The following IL16 variants were observed in gnomAD, a reference collection of about 807,000 sequenced individuals.
IL16 encodes interleukin 16.
IL16 carries 67 observed loss-of-function variants against 110.1 expected under a neutral mutation model. That is an observed-to-expected ratio of 0.61 (90% CI 0.50 to 0.75). IL16 has a LOEUF of 0.75. IL16 is among the 30% of genes least tolerant of loss of function. The pLI is 0.00. For synonymous variants in IL16, 689 were observed against 662.9 expected, an observed-to-expected ratio of 1.04 and a Z score of -0.61; for missense variants, 1,545 against 1,655.0, an observed-to-expected ratio of 0.93 and a Z score of 1.15.
intron 14 of IL16, 55 bp downstream of exon 14, chr15:81,300,530 T>C: frequency 8.5e-7 from 1 of 1,176,550 alleles, no homozygotes; most frequent in Non-Finnish European, 1.2e-6. Flanking sequence ...TTCTTTCTCA[T>C]CTTTATTTTT....
chr15:81,199,060 T>TAA (rs1555411615), intron 1 of IL16, among the ~76,000 whole-genome samples: 5 of 140,704 alleles, frequency 3.6e-5, no homozygotes, highest in Non-Finnish European at 6.1e-5. Flanking sequence ...TATATATATA[T>TAA]AAAATACATA....
At chr15:81,305,724 T>G in intron 16 of IL16, 184 bp from the exon 17 acceptor site, 2 of 662,118 alleles carry the variant, frequency 3.0e-6, no homozygotes, top group African/African-American at 1.8e-5. Context: ...TGATCTCTGC[T>G]CTGGATGGAG....
In IL16 at chr15:81,306,157, G is replaced by A; in HGVS notation, c.3670G>A (p.Val1224Ile). 1 of 1,613,652 alleles carries A rather than the reference G, an allele frequency of 6.2e-7. No homozygotes were observed. Among genetic ancestry groups the A allele is most frequent in the Admixed American group, 1.7e-5 (1 of 60,000 alleles). The change falls in exon 17 of 19, where the codon GTA (valine) becomes ATA (isoleucine). Residue 1224 changes from valine (V) to isoleucine (I), a missense_variant. By Grantham distance (29) the Val-to-Ile change is conservative. Transcript: ENST00000683961. ...ASASAASDVS[V>I]ESTAEATVCT... ...AGCCTCTGCAGCCAGTGATGTTTCTGTAGAATCTAGTAAGTTCTCCCAACT... is the reference window on the plus strand; with the variant it reads ...AGCCTCTGCAGCCAGTGATGTTTCTATAGAATCTAGTAAGTTCTCCCAACT...
At chr15:81,256,887 A>G (rs1481856646) in intron 2 of IL16, among the ~76,000 whole-genome samples, 2 of 152,226 alleles carry the variant, frequency 1.3e-5, no homozygotes, top group Admixed American at 6.5e-5. Flanking sequence ...ACTGGATTAC[A>G]TAAAGAAGTT....
chr15:81,192,717 A>G (rs1057135509), upstream of IL16, among the ~76,000 whole-genome samples: 3 of 152,234 alleles, frequency 2.0e-5, no homozygotes, highest in Non-Finnish European at 4.4e-5. Flanking sequence ...TATTATGTGA[A>G]AAATGGATTA....
At chr15:81,209,775 C>A (rs556932213) in intron 1 of IL16, among the ~76,000 whole-genome samples, 1 of 152,304 alleles carries the variant, frequency 6.6e-6, no homozygotes, top group Non-Finnish European at 1.5e-5. Flanking sequence ...CTCCCTGCCT[C>A]CCCTCGCCAG....
At chr15:81,221,683 T>TAAA (rs34717132) in intron 1 of IL16, among the ~76,000 whole-genome samples, 4 of 148,966 alleles carry the variant, frequency 2.7e-5, no homozygotes, top group African/African-American at 9.8e-5. Context: ...TCTCTTCCTT[T>TAAA]AAAAAAAAAA....
chr15:81,305,144 A>G (rs1281378795), intron 16 of IL16, among the ~76,000 whole-genome samples: 1 of 152,230 alleles, frequency 6.6e-6, no homozygotes, highest in Non-Finnish European at 1.5e-5. Flanking sequence ...CTCTATGAGA[A>G]AAGAATTCTT....
In IL16 at chr15:81,310,584, T is replaced by C. The variant is rs1219329602; in HGVS notation, c.*1786T>C. 6.6e-6 allele frequency: 1 copy of C among 152,180 alleles called. No individual in the cohort carries two copies. Among genetic ancestry groups the C allele is most frequent in the Non-Finnish European group, 1.5e-5 (1 of 68,020 alleles). The allele number at this position is 152,180 out of a possible 1,614,324, so 9.4% of individuals were successfully genotyped here. A position where few individuals can be genotyped will look rare whatever the true frequency, so the allele number is the denominator to read the frequency against. On this transcript the variant is annotated 3_prime_UTR_variant, in exon 19 of 19. Transcript: ENST00000683961. ...CATAATCTACCAACGAAAGACGTGA[T>C]TCAATTCAACACTCCCTTCCCATGA...
At chr15:81,250,294 C>T (rs777349128) in intron 2 of IL16, among the ~76,000 whole-genome samples, 139 of 152,108 alleles carry the variant, frequency 9.1e-4, no homozygotes, top group Middle Eastern at 3.2e-3. Context: ...CTCAGCCTCA[C>T]GAGTAGCTGG....
At position 81,300,328 on chromosome 15, in the gene IL16, C is replaced by A. The variant is rs1416087555; in HGVS notation, c.3002C>A (p.Ser1001Tyr). 1 of 1,614,206 alleles carries A rather than the reference C, an allele frequency of 6.2e-7. No homozygotes were observed. The highest frequency in any genetic ancestry group is 8.5e-7 in the Non-Finnish European group (1 of 1,180,038). The change falls in exon 14 of 19, where the codon TCC (serine) becomes TAC (tyrosine). Residue 1001 changes from serine (S) to tyrosine (Y), a missense_variant. Physicochemically the swap from Ser to Tyr is moderately radical, Grantham distance 144. This residue lies in a region of IL16 where 356 missense variants were observed against 399.3 expected (regional missense o/e 0.89). Transcript: ENST00000683961. ...SSQVSSAVMK[S>Y]LLCLPSSISC... ...CAAGTGTCATCGGCTGTCATGAAAT[C>A]CTTGCTGTGCCTTCCATCTTCTATC...
chr15:81,221,194 C>G (rs926938742), intron 1 of IL16, among the ~76,000 whole-genome samples: 3 of 152,064 alleles, frequency 2.0e-5, no homozygotes, highest in Non-Finnish European at 2.9e-5. Flanking sequence ...TTCTAGGGAG[C>G]TGCAGAACTT....
rs1480634619 is a variant in IL16, at chr15:81,290,481, T to C, written c.1361T>C (p.Val454Ala). The C allele has an allele frequency of 6.2e-7, 1 of 1,613,346 alleles. No individual in the cohort carries two copies. The highest frequency in any genetic ancestry group is 1.7e-5 in the Admixed American group (1 of 59,908). ...QVSEQQLKEA[V>A]AQAVENTKFG... is the part of the protein sequence containing the mutation. ...TCTGAACAGCAACTCAAAGAAGCTG[T>C]GGCCCAGGCTGTGGAAAACACCAAG... Residue 454 changes from valine to alanine, a missense_variant, in exon 11 of 19, where the codon GTG becomes GCG. Val to Ala is a moderately conservative substitution (Grantham distance 64, BLOSUM62 0). Coordinates refer to ENST00000683961, the MANE Select transcript of IL16 (RefSeq NM_172217.5).
intron 1 of IL16, among the ~76,000 whole-genome samples, chr15:81,205,749 G>T (rs566469355): frequency 6.6e-6 from 1 of 151,018 alleles, no homozygotes; most frequent in South Asian, 2.1e-4. Flanking sequence ...TCTCTCCCCA[G>T]TCCAATTATA....
intron 2 of IL16, among the ~76,000 whole-genome samples, chr15:81,231,635 A>G (rs1329628488): frequency 6.6e-6 from 1 of 152,204 alleles, no homozygotes; most frequent in East Asian, 1.9e-4. Context: ...GGCCTCCCAC[A>G]GTGCTGGGAT....
At chr15:81,256,306 A>G (rs992235986) in intron 2 of IL16, among the ~76,000 whole-genome samples, 8 of 149,850 alleles carry the variant, frequency 5.3e-5, no homozygotes, top group Non-Finnish European at 7.4e-5. Flanking sequence ...TAACACAGGT[A>G]TACCTATGTC....
chr15:81,273,060 C>A (rs748990894), intron 5 of IL16, 30 bp from the exon 6 acceptor site: 4 of 1,570,040 alleles, frequency 2.5e-6, no homozygotes, highest in South Asian at 2.2e-5. Context: ...AATACTACCC[C>A]TAAATCAGAC....
At chr15:81,226,863 T>G (rs1345546113) in intron 2 of IL16, among the ~76,000 whole-genome samples, 1 of 152,154 alleles carries the variant, frequency 6.6e-6, no homozygotes, top group East Asian at 1.9e-4. Context: ...GAGAGTCAAA[T>G]TTATTAGTGA....
At chr15:81,193,610 C>G (rs955353279), upstream of IL16, among the ~76,000 whole-genome samples, 2 of 152,216 alleles carry the variant, frequency 1.3e-5, no homozygotes, top group Admixed American at 1.3e-4. Flanking sequence ...TGGAAGTCAG[C>G]TAGAATTTTC....
Sources: gnomAD v4.1 joint callset for allele counts (sites outside exome capture counted in the v4.1 genomes callset) on GRCh38, gnomAD v4.1.1 for gene constraint, gnomAD v4.1.1 regional missense constraint, MANE v1.5 for transcripts, NCBI Gene and HGNC (gene_info 2026-07-23, HGNC 2026-07-21) for gene names.